The following MAU2 variants were observed in gnomAD, a reference collection of about 807,000 sequenced individuals.
The protein encoded by MAU2 is MAU2 chromatid cohesion factor homolog.
In MAU2, 9 loss-of-function variants were observed where a neutral mutation model predicts 89.1. The observed-to-expected ratio is 0.10, with a 90% CI of 0.06 to 0.18. The LOEUF is 0.18. Ranked by LOEUF, MAU2 falls within the 10% of genes least tolerant of loss-of-function variation. MAU2 has a pLI of 1.00. For missense variants in MAU2, 425 were observed against 803.5 expected (o/e 0.53, Z 5.69); for synonymous variants, 357 against 343.4 (o/e 1.04, Z -0.44).
Position 19,320,931 on chromosome 19 carries a change from G to C in MAU2, c.72G>C (p.Ser24=). The C allele has an allele frequency of 1.3e-6, 2 of 1,570,620 alleles. No individual in the cohort carries two copies. Among genetic ancestry groups the C allele is most frequent in the South Asian group, 2.3e-5 (2 of 86,058 alleles). Residue 24 remains serine, a synonymous_variant, in exon 1 of 19, where the codon TCG becomes TCC. Transcript: ENST00000262815. ...CTGCGCAGGCCGAGGCGGCCGACTC[G>C]TGGTACCTGGCGCTTCTGGGCTTCG... is the stretch of plus-strand genomic sequence containing the variant. ...AQAAQAEAAD[S]WYLALLGFAE...
At chr19:19,339,739 A>C (rs2061625704) in intron 5 of MAU2, 1 of 151,212 alleles carries the variant, frequency 6.6e-6, no homozygotes, top group South Asian at 2.1e-4. Flanking sequence ...AAAAATAAAT[A>C]CAGGCCAGGC....
At chr19:19,333,242 T>C (rs1038846773) in intron 1 of MAU2, among the ~76,000 whole-genome samples, 13 of 152,110 alleles carry the variant, frequency 8.5e-5, no homozygotes, top group African/African-American at 3.1e-4. Context: ...CCCAGCACCT[T>C]TGAAGCCCAA....
Position 19,355,832 on chromosome 19 carries a change from C to T in MAU2, c.*50C>T. 1 of 1,530,056 alleles carries T rather than the reference C, an allele frequency of 6.5e-7. No individual in the cohort carries two copies. Among genetic ancestry groups the T allele is most frequent in the Non-Finnish European group, 9.0e-7 (1 of 1,116,672 alleles). The allele number at this position is 1,530,056 out of a possible 1,614,324, so 94.8% of individuals were successfully genotyped here. A position where few individuals can be genotyped will look rare whatever the true frequency, so the allele number is the denominator to read the frequency against. The stretch of plus-strand genomic sequence containing the variant: ...CGCAGGGCCTGCGCGTCTCCGGCTT[C>T]CACCCAGACGGCACTCAAGCCTGCC... On this transcript the variant is annotated 3_prime_UTR_variant, in exon 19 of 19. Transcript: ENST00000262815.
In MAU2 at chr19:19,356,850, T is replaced by C. The variant is rs918139834; in HGVS notation, c.*1068T>C. 7 of 152,272 alleles carry C rather than the reference T, an allele frequency of 4.6e-5. No individual in the cohort carries two copies. Among genetic ancestry groups the C allele is most frequent in the African/African-American group, 1.7e-4 (7 of 41,442 alleles). The allele number at this position is 152,272 out of a possible 1,614,324, so 9.4% of individuals were successfully genotyped here. A position where few individuals can be genotyped will look rare whatever the true frequency, so the allele number is the denominator to read the frequency against. ...CAGCAGCGTTTGGTTTTATCCACTT[T>C]TCTTGGATAATCAGGAGGTGCCCCA... On this transcript the variant is annotated 3_prime_UTR_variant, in exon 19 of 19. Coordinates refer to ENST00000262815, the MANE Select transcript of MAU2 (RefSeq NM_015329.4).
At position 19,345,252 on chromosome 19, in the gene MAU2, C is replaced by A; in HGVS notation, c.1156-52C>A. ...CCCGGGCACACCACGTGTCTCTGAT[C>A]TGAGCCCCCTCCCCAGGGGCCGGCC... is the stretch of plus-strand genomic sequence containing the variant. On this transcript the variant is annotated intron_variant, in intron 11 of 18. Transcript: ENST00000262815. The surrounding 1 kb of genome is among the most constrained non-coding windows in gnomAD (Gnocchi z 4.9). 1.3e-6 allele frequency: 2 copies of A among 1,534,598 alleles called. No individual in the cohort carries two copies. The highest frequency in any genetic ancestry group is 1.4e-5 in the African/African-American group (1 of 73,546).
chr19:19,353,181 A>G (rs1178521923), intron 16 of MAU2: 2 of 152,226 alleles, frequency 1.3e-5, no homozygotes, highest in Admixed American at 6.6e-5. Flanking sequence ...GACACCCCCC[A>G]GGATCACTCA....
intron 1 of MAU2, among the ~76,000 whole-genome samples, chr19:19,333,141 T>C (rs1451601633): frequency 2.0e-5 from 3 of 151,082 alleles, no homozygotes; most frequent in Non-Finnish European, 4.4e-5. Flanking sequence ...AACTGTGTGC[T>C]GAATAGATTG....
Position 19,326,706 on chromosome 19 carries a change from A to ATATATATATACACATATATATGTG in MAU2, c.276+5581_276+5582insCACATATATATGTGTATATATATA, listed in dbSNP as rs1555792839. Among the ~76,000 whole-genome samples, 30 of 87,006 alleles carry ATATATATATACACATATATATGTG rather than the reference A, an allele frequency of 3.4e-4. 2 individuals are homozygous for ATATATATATACACATATATATGTG. The highest frequency in any genetic ancestry group is 1.6e-3 in the Admixed American group (12 of 7,506). The allele number at this position is 87,006 out of a possible 152,430, so 57.1% of individuals were successfully genotyped here. On this transcript the variant is annotated intron_variant, in intron 1 of 18. Coordinates refer to ENST00000262815, the MANE Select transcript of MAU2 (RefSeq NM_015329.4). Reference sequence around the variant, plus strand: ...CTCAAAAAAAAATATATATATGTATATATATATATATATACATATATATAT... The same window carrying ATATATATATACACATATATATGTG: ...CTCAAAAAAAAATATATATATGTATATATATATATACACATATATATGTGTATATATATATATACATATATATAT...
chr19:19,350,418 A>G lies in MAU2; in HGVS notation c.1548+982A>G, dbSNP rs1490546739. 4.0e-5 allele frequency among the ~76,000 whole-genome samples: 6 copies of G among 151,492 alleles called. No individual in the cohort carries two copies. The South Asian group carries it at 6.3e-4, about 16-fold the overall frequency. ...CAAGAGTTCAAGACCAGCCTGGTCA[A>G]CATGGTGAAACCTCATCTCTACTGA... On this transcript the variant is annotated intron_variant, in intron 16 of 18. Coordinates refer to ENST00000262815, the MANE Select transcript of MAU2 (RefSeq NM_015329.4).
intron 9 of MAU2, 123 bp downstream of exon 9, chr19:19,342,989 G>C (rs1018417261): frequency 1.0e-6 from 1 of 973,796 alleles, no homozygotes; most frequent in Non-Finnish European, 1.6e-6. Context: ...ACCCTGCCTG[G>C]TGGGTCTCGT....
chr19:19,345,482 A>T lies in MAU2; in HGVS notation c.1221+113A>T, dbSNP rs995643247. The T allele has an allele frequency of 2.0e-6, 2 of 1,013,576 alleles. No homozygotes were observed. Among genetic ancestry groups the T allele is most frequent in the Non-Finnish European group, 3.0e-6 (2 of 657,622 alleles). The allele number at this position is 1,013,576 out of a possible 1,614,324, so 62.8% of individuals were successfully genotyped here. On this transcript the variant is annotated intron_variant, in intron 12 of 18. Transcript: ENST00000262815. This position sits in a 1 kb window ranked among gnomAD's most constrained non-coding sequence, Gnocchi z 4.9. ...CGCTAGGTCAGCTATGCAAAGCCGC[A>T]GCCCCAGAGGCAATGCACAGTAGTC...
intron 1 of MAU2, chr19:19,328,996 T>A (rs2061533315): frequency 2.2e-6 from 1 of 454,770 alleles, no homozygotes; most frequent in South Asian, 1.6e-5. Context: ...TTTGCTCATC[T>A]GACTTAGAAA....
intron 17 of MAU2, 112 bp downstream of exon 17, chr19:19,354,557 G>A (rs894935461): frequency 2.5e-5 from 23 of 911,352 alleles, no homozygotes; most frequent in East Asian, 5.3e-5. Context: ...TCCGTGGGCC[G>A]CAGCCCCAGT....
At chr19:19,321,207 G>A (rs2146641552) in intron 1 of MAU2, 72 bp downstream of exon 1, 1 of 1,412,326 alleles carries the variant, frequency 7.1e-7, no homozygotes, top group Non-Finnish European at 9.2e-7. Context: ...GGTCGCGACC[G>A]CGGCGGGTGG....
intron 10 of MAU2, 185 bp downstream of exon 10, chr19:19,344,125 G>T: frequency 3.4e-6 from 2 of 590,732 alleles, no homozygotes; most frequent in Non-Finnish European, 6.1e-6. Context: ...ACAAAAACCA[G>T]TGGAGGCCGG....
At chr19:19,325,876 A>G (rs897062347) in intron 1 of MAU2, among the ~76,000 whole-genome samples, 7 of 151,706 alleles carry the variant, frequency 4.6e-5, no homozygotes, top group Admixed American at 4.6e-4. Flanking sequence ...CAGCTTTCCT[A>G]TTGTTTTCAC....
chr19:19,324,275 A>G (rs2061486836), intron 1 of MAU2, among the ~76,000 whole-genome samples: 1 of 152,134 alleles, frequency 6.6e-6, no homozygotes, highest in Non-Finnish European at 1.5e-5. Flanking sequence ...TGGGGCAGGG[A>G]GCCTGGAGAA....
rs1376651196 is a variant in MAU2 at position 19,345,176 on chromosome 19, A to T, written c.1156-128A>T. On this transcript the variant is annotated intron_variant, in intron 11 of 18. Transcript: ENST00000262815. This position sits in a 1 kb window ranked among gnomAD's most constrained non-coding sequence, Gnocchi z 4.9. ...ACAGTGAGCATATTACCTGCCTTGC[A>T]GCTGGCTCGGTAGAGCCATTGTCAT... The T allele has an allele frequency of 8.3e-6, 7 of 847,584 alleles. No individual in the cohort carries two copies. Among genetic ancestry groups the T allele is most frequent in the Non-Finnish European group, 1.4e-5 (7 of 513,514 alleles). The allele number at this position is 847,584 out of a possible 1,614,324, so 52.5% of individuals were successfully genotyped here. A position where few individuals can be genotyped will look rare whatever the true frequency, so the allele number is the denominator to read the frequency against.
Position 19,358,031 on chromosome 19 carries a change from A to G in MAU2, c.*2249A>G, listed in dbSNP as rs2048198628. The G allele has an allele frequency of 6.6e-6, 1 of 150,972 alleles. No homozygotes were observed. Among genetic ancestry groups the G allele is most frequent in the South Asian group, 2.1e-4 (1 of 4,760 alleles). 9.4% of individuals were successfully genotyped at this position (150,972 alleles called of 1,614,324 possible). Reference sequence around the variant, plus strand: ...CCAGGAGATTGAGGCTGCAGTGAGCATGATCGCGACACTGCACTCCAGCCT... The same window carrying G: ...CCAGGAGATTGAGGCTGCAGTGAGCGTGATCGCGACACTGCACTCCAGCCT... On this transcript the variant is annotated 3_prime_UTR_variant, in exon 19 of 19. Coordinates refer to ENST00000262815, the MANE Select transcript of MAU2 (RefSeq NM_015329.4).
Sources: gnomAD v4.1 joint callset for allele counts (sites outside exome capture counted in the v4.1 genomes callset) on GRCh38, gnomAD v4.1.1 for gene constraint, Gnocchi (gnomAD v3.1) non-coding constraint, MANE v1.5 for transcripts, NCBI Gene and HGNC (gene_info 2026-07-23, HGNC 2026-07-21) for gene names.